Variants in EFCAB6 observed in about 807,000 individuals in gnomAD.
EFCAB6 encodes EF-hand calcium binding domain 6, also known as EF-hand calcium-binding domain-containing protein 6.
In EFCAB6, 156 loss-of-function variants were observed where a neutral mutation model predicts 169.8. The observed-to-expected ratio is 0.92, with a 90% CI of 0.81 to 1.05. EFCAB6 has a LOEUF of 1.05. Ranked by LOEUF, EFCAB6 falls within the 50% of genes least tolerant of loss-of-function variation. The probability of loss-of-function intolerance (pLI) is 0.00; values close to 1 mark genes in which losing one functional copy is unlikely to be tolerated. For synonymous variants in EFCAB6, 698 were observed against 676.4 expected, an observed-to-expected ratio of 1.03 and a Z score of -0.50; for missense variants, 1,800 against 1,829.1, an observed-to-expected ratio of 0.98 and a Z score of 0.29.
chr22:43,672,301 C>G lies in EFCAB6; in HGVS notation c.1424G>C (p.Arg475Thr), dbSNP rs745386031. Reference protein sequence around the residue: ...IDLIEENCRMRKTSPCTDAKT... With the variant: ...IDLIEENCRMTKTSPCTDAKT... ...AGCATCTGTACAGGGAGATGTCTTT[C>G]TCATCTAATTGGGAAAGAGAAAGTA... The change falls in exon 14 of 32, where the codon AGA becomes ACA. Residue 475 changes from arginine (R) to threonine (T), a missense_variant. Arg to Thr is a moderately conservative substitution (Grantham distance 71). Transcript: ENST00000262726. 8 of 1,614,060 alleles carry G rather than the reference C, an allele frequency of 5.0e-6. No homozygotes were observed. Among genetic ancestry groups the G allele is most frequent in the Non-Finnish European group, 6.8e-6 (8 of 1,179,952 alleles).
intron 6 of EFCAB6, among the ~76,000 whole-genome samples, chr22:43,747,497 T>C (rs977668513): frequency 2.0e-5 from 3 of 152,178 alleles, no homozygotes; most frequent in Non-Finnish European, 2.9e-5. Flanking sequence ...AGTTTCTGCC[T>C]TGGTGACCTG....
intron 2 of EFCAB6, among the ~76,000 whole-genome samples, chr22:43,808,159 G>A (rs8135072): frequency 0.038 from 5,834 of 152,220 alleles, 404 homozygotes; most frequent in African/African-American, 0.13. Context: ...TCAATGATAT[G>A]GTATAACGAT....
chr22:43,578,188 T>G lies in EFCAB6; in HGVS notation c.3229-1700A>C, dbSNP rs563006686. On this transcript the variant is annotated intron_variant, in intron 25 of 31. Transcript: ENST00000262726. Reference sequence around the variant, plus strand: ...CCCTGTGTGACCCTGGGCAGGTTTATTCACGCTGAGCCTCAGTTTCCCCTC... The same window carrying G: ...CCCTGTGTGACCCTGGGCAGGTTTAGTCACGCTGAGCCTCAGTTTCCCCTC... 7.2e-5 allele frequency among the ~76,000 whole-genome samples: 11 copies of G among 152,288 alleles called. No homozygotes were observed. The East Asian group carries it at 1.4e-3, about 19-fold the overall frequency.
chr22:43,580,321 AC>A, intron 25 of EFCAB6, 142 bp downstream of exon 25: 1 of 787,744 alleles, frequency 1.3e-6, no homozygotes, highest in Non-Finnish European at 2.0e-6. Context: ...ATACACAACT[AC>A]CCACATAAAA....
At chr22:43,808,174 A>G (rs2062984905) in intron 2 of EFCAB6, among the ~76,000 whole-genome samples, 1 of 152,214 alleles carries the variant, frequency 6.6e-6, no homozygotes, top group Admixed American at 6.5e-5. Flanking sequence ...AACGATTTCC[A>G]TAGCATTTAC....
At chr22:43,714,831 A>T (rs1033849488) in intron 9 of EFCAB6, among the ~76,000 whole-genome samples, 1 of 152,218 alleles carries the variant, frequency 6.6e-6, no homozygotes, top group African/African-American at 2.4e-5. Context: ...CCAACCAAAA[A>T]ATAAATCAAA....
At chr22:43,780,100 T>A (rs1299088697) in intron 3 of EFCAB6, among the ~76,000 whole-genome samples, 1 of 152,204 alleles carries the variant, frequency 6.6e-6, no homozygotes, top group Non-Finnish European at 1.5e-5. Flanking sequence ...GTTAGGATAC[T>A]TAGAAATGAG....
At chr22:43,547,353 T>C (rs2048117231) in intron 27 of EFCAB6, among the ~76,000 whole-genome samples, 1 of 152,154 alleles carries the variant, frequency 6.6e-6, no homozygotes, top group Admixed American at 6.6e-5. Context: ...TTACATACGA[T>C]AAAATTTCAA....
intron 10 of EFCAB6, among the ~76,000 whole-genome samples, chr22:43,706,550 T>C (rs973012903): frequency 6.6e-6 from 1 of 152,220 alleles, no homozygotes; most frequent in Non-Finnish European, 1.5e-5. Context: ...GCCTGGTATA[T>C]AATAAGTGCT....
intron 17 of EFCAB6, among the ~76,000 whole-genome samples, chr22:43,645,728 G>A (rs2056111798): frequency 6.6e-6 from 1 of 152,164 alleles, no homozygotes; most frequent in African/African-American, 2.4e-5. Context: ...GCCTGGAAAT[G>A]TATAAAATTG....
At chr22:43,641,577 T>G (rs1450833962) in intron 17 of EFCAB6, among the ~76,000 whole-genome samples, 3 of 148,862 alleles carry the variant, frequency 2.0e-5, no homozygotes, top group Non-Finnish European at 4.4e-5. Flanking sequence ...CATTGCGCCT[T>G]TACACTCCAG....
At chr22:43,740,513 A>G (rs1265573314) in intron 6 of EFCAB6, among the ~76,000 whole-genome samples, 2 of 152,192 alleles carry the variant, frequency 1.3e-5, no homozygotes, top group African/African-American at 2.4e-5. Flanking sequence ...GATGACATTC[A>G]GTGTCAATGT....
intron 6 of EFCAB6, among the ~76,000 whole-genome samples, chr22:43,751,581 C>T (rs184747084): frequency 3.3e-5 from 5 of 152,184 alleles, no homozygotes; most frequent in Admixed American, 6.5e-5. Flanking sequence ...AAGACTGACG[C>T]GGTGGAGGAA....
chr22:43,547,442 T>A (rs1445055044), intron 27 of EFCAB6, among the ~76,000 whole-genome samples: 1 of 152,038 alleles, frequency 6.6e-6, no homozygotes, highest in Non-Finnish European at 1.5e-5. Context: ...AAAAGGAATT[T>A]AAAAAATCTC....
chr22:43,531,098 A>T, intron 30 of EFCAB6, 134 bp from the exon 31 acceptor site: 1 of 1,195,322 alleles, frequency 8.4e-7, no homozygotes, highest in Non-Finnish European at 1.2e-6. Context: ...CTGGCTCTGA[A>T]TCGAGGAGGG....
chr22:43,709,056 T>C (rs2059061714), intron 10 of EFCAB6, among the ~76,000 whole-genome samples: 1 of 152,162 alleles, frequency 6.6e-6, no homozygotes. Context: ...CTCTGGCAAG[T>C]CTTTCTAGCT....
chr22:43,608,786 C>T (rs926704950), intron 21 of EFCAB6, among the ~76,000 whole-genome samples, 186 bp from the exon 22 acceptor site: 3 of 152,116 alleles, frequency 2.0e-5, no homozygotes, highest in Non-Finnish European at 4.4e-5. Flanking sequence ...TAGAGCAAAA[C>T]GGAAATGAGA....
intron 17 of EFCAB6, among the ~76,000 whole-genome samples, chr22:43,642,298 G>A (rs1019458679): frequency 6.6e-6 from 1 of 152,034 alleles, no homozygotes; most frequent in African/African-American, 2.4e-5. Flanking sequence ...AAATTCTTTT[G>A]TGATAAAACT....
intron 2 of EFCAB6, among the ~76,000 whole-genome samples, chr22:43,801,328 G>A (rs1378838151): frequency 6.6e-6 from 1 of 152,040 alleles, no homozygotes; most frequent in Non-Finnish European, 1.5e-5. Flanking sequence ...TACAAGAAAT[G>A]CCAAAGGAAT....
Sources: gnomAD v4.1 joint callset for allele counts (sites outside exome capture counted in the v4.1 genomes callset) on GRCh38, gnomAD v4.1.1 for gene constraint, MANE v1.5 for transcripts, NCBI Gene and HGNC (gene_info 2026-07-23, HGNC 2026-07-21) for gene names.